MPPED1: variants seen among roughly 807,000 people sequenced by gnomAD.
MPPED1 encodes metallophosphoesterase domain-containing protein 1.
MPPED1 carries 16 observed loss-of-function variants against 36.2 expected under a neutral mutation model. The ratio of observed to expected loss-of-function variants is 0.44; its 90% CI spans 0.30 to 0.67. The LOEUF (loss-of-function observed/expected upper bound fraction) is 0.67, where lower values mean the gene tolerates loss of function less well. Ranked by LOEUF, MPPED1 falls within the 30% of genes least tolerant of loss-of-function variation. The probability of loss-of-function intolerance (pLI) is 0.10; values close to 1 mark genes in which losing one functional copy is unlikely to be tolerated. For missense variants in MPPED1, 307 were observed against 453.4 expected (o/e 0.68, Z 2.93); for synonymous variants, 199 against 191.3 (o/e 1.04, Z -0.33).
At chr22:43,445,695 C>G (rs540086434) in intron 3 of MPPED1, among the ~76,000 whole-genome samples, 3 of 151,706 alleles carry the variant, frequency 2.0e-5, no homozygotes, top group African/African-American at 7.3e-5. Flanking sequence ...CACCTCACCC[C>G]GAGTAGCTGG....
At chr22:43,428,227 G>A (rs762327344) in intron 2 of MPPED1, among the ~76,000 whole-genome samples, 1 of 152,174 alleles carries the variant, frequency 6.6e-6, no homozygotes, top group Non-Finnish European at 1.5e-5. Context: ...TTCACACCTG[G>A]CCTGCCCCAC....
In MPPED1 at chr22:43,505,555, T is replaced by C. The variant is rs771895257; in HGVS notation, c.920T>C (p.Val307Ala). Residue 307 changes from valine (V) to alanine (A), a missense_variant, in exon 7 of 7, where the codon GTG (valine) becomes GCG (alanine). By Grantham distance (64) the Val-to-Ala change is moderately conservative. Around this residue, in one of 3 missense-constraint regions of MPPED1, gnomAD observed 132 missense variants for 212.3 expected, o/e 0.62. Transcript: ENST00000443721. ...TTYVNASVCT[V>A]NYQPVNPPIV... ...TATGTGAATGCGTCCGTATGCACTGTGAACTACCAGCCCGTGAACCCGCCC... is the reference window on the plus strand; with the variant it reads ...TATGTGAATGCGTCCGTATGCACTGCGAACTACCAGCCCGTGAACCCGCCC... 2 of 1,612,858 alleles carry C rather than the reference T, an allele frequency of 1.2e-6. No homozygotes were observed. Among genetic ancestry groups the C allele is most frequent in the Non-Finnish European group, 1.7e-6 (2 of 1,179,574 alleles).
chr22:43,413,570 G>A (rs1928981910), intron 1 of MPPED1, among the ~76,000 whole-genome samples: 3 of 152,160 alleles, frequency 2.0e-5, no homozygotes, highest in South Asian at 4.1e-4. Flanking sequence ...ACCTCAATGC[G>A]TTTGAGCTTG....
chr22:43,469,679 T>C lies in MPPED1; in HGVS notation c.407-5057T>C, dbSNP rs374703061. Among the ~76,000 whole-genome samples the C allele has an allele frequency of 4.6e-5, 7 of 152,168 alleles. No individual in the cohort carries two copies. In the South Asian group the frequency reaches 8.3e-4, roughly 18 times the overall value. On this transcript the variant is annotated intron_variant, in intron 3 of 6. Transcript: ENST00000443721. ...AAGATTCAGAGATGGACAATCAAGA[T>C]TGTGGGTAAGGAGGGTGAGTCAAAA...
chr22:43,420,399 C>T (rs1224907891), intron 1 of MPPED1, among the ~76,000 whole-genome samples: 1 of 151,194 alleles, frequency 6.6e-6, no homozygotes, highest in Non-Finnish European at 1.5e-5. Flanking sequence ...GATGCCGCTT[C>T]AGATAGACAT....
At chr22:43,452,241 C>A (rs185818036) in intron 3 of MPPED1, among the ~76,000 whole-genome samples, 1 of 152,260 alleles carries the variant, frequency 6.6e-6, no homozygotes, top group East Asian at 1.9e-4. Context: ...TGGTCTCAAA[C>A]TCCTTTAGGT....
intron 4 of MPPED1, among the ~76,000 whole-genome samples, chr22:43,475,885 A>T (rs201848575): frequency 1.8e-5 from 1 of 56,386 alleles, no homozygotes; most frequent in Non-Finnish European, 3.6e-5. Context: ...GATGATGGTG[A>T]TGATGGTGGT....
chr22:43,486,933 G>T (rs548741443), intron 4 of MPPED1, among the ~76,000 whole-genome samples: 1 of 152,290 alleles, frequency 6.6e-6, no homozygotes, highest in African/African-American at 2.4e-5. Context: ...GAGTTCTCGT[G>T]ACTGTTTTCA....
chr22:43,463,583 C>T (rs5996341), intron 3 of MPPED1, among the ~76,000 whole-genome samples: 83,147 of 151,874 alleles, frequency 0.55, 24,814 homozygotes, highest in African/African-American at 0.8. Flanking sequence ...TTCGTCTTCC[C>T]TCTTTTGGTC....
chr22:43,498,372 C>T (rs993573533), intron 5 of MPPED1, 22 bp downstream of exon 5: 5 of 1,522,880 alleles, frequency 3.3e-6, no homozygotes, highest in Admixed American at 2.0e-5. Context: ...CTGGCCTGGC[C>T]CTCCAGCTCG....
intron 4 of MPPED1, among the ~76,000 whole-genome samples, chr22:43,483,114 T>G (rs1290357215): frequency 1.3e-5 from 2 of 152,198 alleles, no homozygotes. Flanking sequence ...TGGGCCTGCA[T>G]GGCAGGGAGG....
Position 43,412,177 on chromosome 22 carries a change from G to C in MPPED1, c.-79+19G>C. ...GGGCCAGGTAGGACCGGAGGCGGGC[G>C]GGGCGCGGCGGGCGCGGGCGGGAGG... On this transcript the variant is annotated intron_variant, in intron 1 of 6. Transcript: ENST00000443721. 2 of 978,734 alleles carry C rather than the reference G, an allele frequency of 2.0e-6. No homozygotes were observed. Among genetic ancestry groups the C allele is most frequent in the Non-Finnish European group, 2.4e-6 (2 of 826,462 alleles). 60.6% of individuals were successfully genotyped at this position (978,734 alleles called of 1,614,324 possible). A position where few individuals can be genotyped will look rare whatever the true frequency, so the allele number is the denominator to read the frequency against.
intron 4 of MPPED1, among the ~76,000 whole-genome samples, chr22:43,478,284 G>T (rs1931639939): frequency 6.6e-6 from 1 of 152,216 alleles, no homozygotes; most frequent in Non-Finnish European, 1.5e-5. Flanking sequence ...GGAGATTGAG[G>T]CCTGGGGATT....
intron 3 of MPPED1, among the ~76,000 whole-genome samples, chr22:43,443,716 T>C (rs1432678980): frequency 2.0e-5 from 3 of 152,094 alleles, no homozygotes; most frequent in Non-Finnish European, 2.9e-5. Context: ...TAACAAGAAT[T>C]CTCTCTGAAA....
intron 4 of MPPED1, among the ~76,000 whole-genome samples, chr22:43,488,489 G>C (rs1041539138): frequency 1.3e-5 from 2 of 152,188 alleles, no homozygotes; most frequent in African/African-American, 4.8e-5. Context: ...ACTGTTTAAC[G>C]ATTGGCCACG....
intron 4 of MPPED1, among the ~76,000 whole-genome samples, chr22:43,482,049 G>A (rs1333167172): frequency 6.6e-6 from 1 of 152,196 alleles, no homozygotes; most frequent in East Asian, 1.9e-4. Flanking sequence ...GGCCTTCGCT[G>A]AGAGCAGCTT....
intron 3 of MPPED1, among the ~76,000 whole-genome samples, chr22:43,448,155 C>T (rs1278635489): frequency 2.0e-5 from 3 of 152,092 alleles, no homozygotes; most frequent in African/African-American, 7.2e-5. Context: ...TCCCAAAGTG[C>T]TGGGATTACA....
intron 6 of MPPED1, among the ~76,000 whole-genome samples, chr22:43,504,606 G>A (rs1299819935): frequency 1.3e-5 from 2 of 151,726 alleles, no homozygotes; most frequent in Non-Finnish European, 2.9e-5. Context: ...GTGGCGGTAT[G>A]TTGGTGACGT....
chr22:43,437,876 T>A (rs938274132), intron 3 of MPPED1, among the ~76,000 whole-genome samples: 3 of 152,070 alleles, frequency 2.0e-5, no homozygotes, highest in Non-Finnish European at 4.4e-5. Context: ...GACCTGAACC[T>A]TGAGGTTGAG....
Sources: allele counts gnomAD v4.1 joint callset (sites outside exome capture counted in the v4.1 genomes callset), GRCh38; gene constraint gnomAD v4.1.1; regional missense constraint gnomAD v4.1.1; transcripts MANE v1.5; gene names NCBI Gene and HGNC (gene_info 2026-07-23, HGNC 2026-07-21).